NEO1: variants seen among roughly 807,000 people sequenced by gnomAD.
NEO1 encodes neogenin.
In NEO1, 63 loss-of-function variants were observed where a neutral mutation model predicts 159.7. That is an observed-to-expected ratio of 0.39 (90% CI 0.32 to 0.49). The LOEUF (loss-of-function observed/expected upper bound fraction) is 0.49. Among genes scored for constraint, NEO1 ranks in the 20% least tolerant of loss-of-function variants. The pLI is 0.85. For synonymous variants in NEO1, 633 were observed against 662.0 expected (o/e 0.96, Z 0.67); for missense variants, 1,615 against 1,831.0 (o/e 0.88, Z 2.15).
chr15:73,098,643 C>T (rs1296409147), intron 1 of NEO1, among the ~76,000 whole-genome samples: 3 of 152,174 alleles, frequency 2.0e-5, no homozygotes, highest in Admixed American at 6.5e-5. Flanking sequence ...GTTTATTCAA[C>T]ATGTCTCTTA....
chr15:73,262,636 C>T (rs1021079835), intron 15 of NEO1, among the ~76,000 whole-genome samples: 2 of 152,186 alleles, frequency 1.3e-5, no homozygotes, highest in African/African-American at 4.8e-5. Context: ...AACTGGAATG[C>T]TCATACTAGC....
intron 7 of NEO1, among the ~76,000 whole-genome samples, chr15:73,232,524 C>T (rs944699848): frequency 1.3e-5 from 2 of 152,188 alleles, no homozygotes; most frequent in Non-Finnish European, 2.9e-5. Context: ...ACCGGGCTCT[C>T]TCAGTTGTCT....
intron 1 of NEO1, among the ~76,000 whole-genome samples, chr15:73,058,320 G>A (rs796592369): frequency 3.9e-5 from 6 of 152,248 alleles, no homozygotes; most frequent in African/African-American, 1.4e-4. Flanking sequence ...CCACAGATGA[G>A]GAAACTGAGT....
intron 21 of NEO1, 54 bp downstream of exon 21, chr15:73,274,778 A>C: frequency 6.9e-7 from 1 of 1,454,552 alleles, no homozygotes. Context: ...ACCTATTATT[A>C]GCTTTTGGTT....
intron 5 of NEO1, among the ~76,000 whole-genome samples, chr15:73,153,730 C>T (rs957738604): frequency 2.6e-5 from 4 of 152,208 alleles, no homozygotes; most frequent in Middle Eastern, 3.4e-3. Flanking sequence ...ATAAAGTGCA[C>T]GTTACAATAC....
At chr15:73,206,113 C>T (rs2037207865) in intron 7 of NEO1, among the ~76,000 whole-genome samples, 1 of 152,012 alleles carries the variant, frequency 6.6e-6, no homozygotes, top group South Asian at 2.1e-4. Flanking sequence ...CACCATGTTG[C>T]CCAGGGTGGT....
At chr15:73,062,436 A>G (rs1022699552) in intron 1 of NEO1, among the ~76,000 whole-genome samples, 3 of 152,200 alleles carry the variant, frequency 2.0e-5, no homozygotes, top group Non-Finnish European at 2.9e-5. Context: ...ATTTGTCAAA[A>G]CTTCCATAGC....
intron 5 of NEO1, among the ~76,000 whole-genome samples, chr15:73,140,624 A>C (rs2032288607): frequency 6.6e-6 from 1 of 152,140 alleles, no homozygotes. Flanking sequence ...TCCTAGGAGT[A>C]TACTTACCAG....
chr15:73,220,411 G>C (rs2038170583), intron 7 of NEO1, among the ~76,000 whole-genome samples: 1 of 151,974 alleles, frequency 6.6e-6, no homozygotes, highest in Admixed American at 6.6e-5. Context: ...GTGTCTTGGA[G>C]TTGCTCTTCT....
intron 1 of NEO1, among the ~76,000 whole-genome samples, chr15:73,093,743 A>AATTTTTTGT (rs1317756521): frequency 5.9e-5 from 9 of 151,696 alleles, no homozygotes; most frequent in Non-Finnish European, 1.2e-4. Flanking sequence ...ACGCCTGGCT[A>AATTTTTTGT]ATTTTTTGTA....
intron 7 of NEO1, among the ~76,000 whole-genome samples, chr15:73,185,108 A>T (rs544252056): frequency 1.7e-3 from 258 of 152,308 alleles, no homozygotes; most frequent in Middle Eastern, 0.014. Context: ...TAGTAAAAAA[A>T]TTAGTGGTTG....
rs550694687 is a variant in NEO1, at chr15:73,218,012, A to G, written c.1292-18335A>G. ...GCATCCCTGTCTTGTGCCAGTTTTCAAAGGGAATGCTTCCAGTTTTTGCCC... is the reference window on the plus strand; with the variant it reads ...GCATCCCTGTCTTGTGCCAGTTTTCGAAGGGAATGCTTCCAGTTTTTGCCC... On this transcript the variant is annotated intron_variant, in intron 7 of 28. Transcript: ENST00000261908. Among the ~76,000 whole-genome samples, 20 of 152,256 alleles carry G rather than the reference A, an allele frequency of 1.3e-4. No homozygotes were observed. The South Asian group carries it at 3.3e-3, about 25-fold the overall frequency.
intron 21 of NEO1, among the ~76,000 whole-genome samples, chr15:73,277,097 T>C (rs912084681): frequency 6.6e-6 from 1 of 152,196 alleles, no homozygotes; most frequent in Non-Finnish European, 1.5e-5. Flanking sequence ...CCAAAAAGAA[T>C]AAATAACTTG....
In NEO1 at chr15:73,285,855, T is replaced by A. The variant is rs2041924000; in HGVS notation, c.3411-2458T>A. ...ACCTTTCTACACTGGTAATCATCGT[T>A]TCCTCCTCCCTCCTAAGTGTACTTC... On this transcript the variant is annotated intron_variant, in intron 23 of 28. Transcript: ENST00000261908. Among the ~76,000 whole-genome samples, 3 of 152,098 alleles carry A rather than the reference T, an allele frequency of 2.0e-5. No homozygotes were observed. The South Asian group carries it at 6.2e-4, about 32-fold the overall frequency.
chr15:73,186,819 A>G (rs1459318996), intron 7 of NEO1, among the ~76,000 whole-genome samples: 2 of 152,192 alleles, frequency 1.3e-5, no homozygotes, highest in African/African-American at 4.8e-5. Flanking sequence ...GCTAGATAGT[A>G]AATATTTTAG....
intron 1 of NEO1, among the ~76,000 whole-genome samples, chr15:73,102,674 T>C (rs2151518595): frequency 6.6e-6 from 1 of 152,302 alleles, no homozygotes; most frequent in Non-Finnish European, 1.5e-5. Context: ...CTGACCTCTG[T>C]GGCCTTTTCA....
Position 73,135,915 on chromosome 15 carries a change from A to G in NEO1, c.903A>G (p.Ala301=), listed in dbSNP as rs1439560286. The G allele has an allele frequency of 2.0e-5, 32 of 1,578,946 alleles. No individual in the cohort carries two copies. Among genetic ancestry groups the G allele is most frequent in the Non-Finnish European group, 2.6e-5 (30 of 1,166,024 alleles). The change falls in exon 5 of 29, where the codon GCA becomes GCG. Residue 301 remains alanine (A), a synonymous_variant. Transcript: ENST00000261908. ...TESSERLVLL[A]GGSLEISDVT... ...GCTCTGAAAGATTGGTATTGCTGGC[A>G]GGTGGTAGCCTGGAGATCAGTGATG... is the stretch of plus-strand genomic sequence containing the variant.
chr15:73,128,693 CAA>C (rs981633242), intron 4 of NEO1, among the ~76,000 whole-genome samples: 2 of 152,056 alleles, frequency 1.3e-5, no homozygotes, highest in African/African-American at 4.8e-5. Context: ...TCAGGAGTGT[CAA>C]GAGAAATAGA....
intron 1 of NEO1, among the ~76,000 whole-genome samples, chr15:73,083,954 C>T (rs2069212569): frequency 6.6e-6 from 1 of 151,978 alleles, no homozygotes; most frequent in Admixed American, 6.6e-5. Context: ...TATGCCTGGC[C>T]TGTTTTTCAT....
Sources: allele counts gnomAD v4.1 joint callset (sites outside exome capture counted in the v4.1 genomes callset), GRCh38; gene constraint gnomAD v4.1.1; transcripts MANE v1.5; gene names NCBI Gene and HGNC (gene_info 2026-07-23, HGNC 2026-07-21).